The following OGDH variants were observed in gnomAD, a reference collection of about 807,000 sequenced individuals.
OGDH encodes oxoglutarate dehydrogenase.
A neutral mutation model predicts 116.6 loss-of-function variants in OGDH; 38 were observed. That is an observed-to-expected ratio of 0.33 (90% CI 0.25 to 0.43). The LOEUF is 0.43. Among genes scored for constraint, OGDH ranks in the 20% least tolerant of loss-of-function variants. The pLI is 1.00. For missense variants in OGDH, 825 were observed against 1,357.2 expected, an observed-to-expected ratio of 0.61 and a Z score of 6.16; for synonymous variants, 488 against 533.3, an observed-to-expected ratio of 0.92 and a Z score of 1.17.
At chr7:44,671,020 AAAAAAAAAGAAAAG>A (rs1349495471) in intron 5 of OGDH, among the ~76,000 whole-genome samples, 180 of 151,928 alleles carry the variant, frequency 1.2e-3, no homozygotes, top group Non-Finnish European at 2.2e-3. Context: ...CAAAAAAAAA[AAAAAAAAAGAAAAG>A]AAAAAAAAGA....
chr7:44,699,207 C>A (rs941343902), intron 18 of OGDH, among the ~76,000 whole-genome samples: 2 of 151,936 alleles, frequency 1.3e-5, no homozygotes, highest in Non-Finnish European at 2.9e-5. Context: ...GCAGGTGGAT[C>A]ACGAGGCCAG....
At chr7:44,648,372 A>G (rs1394564204) in intron 4 of OGDH, among the ~76,000 whole-genome samples, 1 of 152,194 alleles carries the variant, frequency 6.6e-6, no homozygotes, top group Non-Finnish European at 1.5e-5. Flanking sequence ...GGTTGCCAGA[A>G]GATAGTCCCA....
chr7:44,702,824 C>T (rs1222594755), intron 20 of OGDH, among the ~76,000 whole-genome samples: 4 of 152,126 alleles, frequency 2.6e-5, no homozygotes, highest in African/African-American at 9.7e-5. Flanking sequence ...TGTCAATCTC[C>T]TGACCTCATG....
chr7:44,675,306 C>A, intron 8 of OGDH, 38 bp downstream of exon 8: 1 of 1,518,182 alleles, frequency 6.6e-7, no homozygotes, highest in East Asian at 2.3e-5. Flanking sequence ...AGCATAGCCC[C>A]AACTTACACA....
chr7:44,658,847 A>T (rs996246218), intron 4 of OGDH, among the ~76,000 whole-genome samples: 46 of 151,794 alleles, frequency 3.0e-4, no homozygotes, highest in South Asian at 6.2e-4. Context: ...TATTATTATT[A>T]TTTTTTGAGA....
intron 1 of OGDH, among the ~76,000 whole-genome samples, chr7:44,617,819 A>G (rs1784861850): frequency 6.6e-6 from 1 of 152,150 alleles, no homozygotes; most frequent in Non-Finnish European, 1.5e-5. Context: ...TTTTTCCCTC[A>G]AAGACTTATT....
chr7:44,611,011 A>G (rs1269371347), intron 1 of OGDH, among the ~76,000 whole-genome samples: 1 of 151,672 alleles, frequency 6.6e-6, no homozygotes, highest in African/African-American at 2.4e-5. Flanking sequence ...TTTGGTGTTG[A>G]GTTGAAGAAC....
In OGDH at chr7:44,673,799, CA is replaced by C. The variant is rs774120096; in HGVS notation, c.647del (p.Gln216ArgfsTer65). The stretch of plus-strand genomic sequence containing the variant: ...CTGTATGGAATAGATGGCCTACTGC[CA>C]GCATATTGGGGTGGAGTTCATGTTC... ...IIRRLEMAYC[Q>X]HIGVEFMFIN... On this transcript the variant is annotated frameshift_variant, in exon 6 of 23. Coordinates refer to ENST00000222673, the MANE Select transcript of OGDH (RefSeq NM_002541.4). LOFTEE classifies it high-confidence loss of function. The C allele has an allele frequency of 3.1e-6, 5 of 1,614,236 alleles. No homozygotes were observed. Among genetic ancestry groups the C allele is most frequent in the Non-Finnish European group, 4.2e-6 (5 of 1,180,034 alleles).
In OGDH at chr7:44,701,811, G is replaced by A. The variant is rs528843839; in HGVS notation, c.2632+196G>A. 3.3e-5 allele frequency among the ~76,000 whole-genome samples: 5 copies of A among 152,324 alleles called. No individual in the cohort carries two copies. In the East Asian group the frequency reaches 9.7e-4, roughly 29 times the overall value. On this transcript the variant is annotated intron_variant, in intron 20 of 22. Coordinates refer to ENST00000222673, the MANE Select transcript of OGDH (RefSeq NM_002541.4). ...TAATCCCAGCACTTTGGGAGGCCGA[G>A]GCAGGCAGATCATCTGAGGTCAGGA...
At chr7:44,645,207 G>A in intron 2 of OGDH, 120 bp from the exon 3 acceptor site, 1 of 866,838 alleles carries the variant, frequency 1.2e-6, no homozygotes. Flanking sequence ...CCAGGAGGAA[G>A]CAGGCTCAGC....
intron 9 of OGDH, among the ~76,000 whole-genome samples, chr7:44,679,875 C>T (rs561676010): frequency 2.6e-5 from 4 of 152,258 alleles, no homozygotes; most frequent in South Asian, 4.1e-4. Flanking sequence ...CCTGCCAGCC[C>T]GCCCTGCAGA....
chr7:44,632,606 G>GT (rs1245995406), intron 2 of OGDH, among the ~76,000 whole-genome samples: 9 of 147,580 alleles, frequency 6.1e-5, no homozygotes, highest in African/African-American at 1.5e-4. Flanking sequence ...CCTGGTGGAT[G>GT]TTTTTTGTTG....
In OGDH at chr7:44,696,988, A is replaced by T; in HGVS notation, c.1975A>T (p.Met659Leu). The change falls in exon 15 of 23, where the codon ATG becomes TTG. Residue 659 changes from methionine (M) to leucine (L), a missense_variant. Met to Leu is a conservative substitution (Grantham distance 15). Coordinates refer to ENST00000222673, the MANE Select transcript of OGDH (RefSeq NM_002541.4). ...RTVDWALAEYMAFGSLLKEGI... is the reference protein window; with the variant it reads ...RTVDWALAEYLAFGSLLKEGI... ...TGTGGACTGGGCTCTAGCGGAGTAC[A>T]TGGCGTTTGGCTCGCTCCTGAAGGA... 6.2e-7 allele frequency: 1 copy of T among 1,614,216 alleles called. No individual in the cohort carries two copies. Among genetic ancestry groups the T allele is most frequent in the Non-Finnish European group, 8.5e-7 (1 of 1,180,034 alleles).
At chr7:44,706,797 T>C (rs1310903596) in intron 20 of OGDH, among the ~76,000 whole-genome samples, 1 of 150,794 alleles carries the variant, frequency 6.6e-6, no homozygotes, top group Non-Finnish European at 1.5e-5. Flanking sequence ...ATTTTTTGTA[T>C]TTTTTTAGTA....
chr7:44,707,225 G>A lies in OGDH; in HGVS notation c.2633G>A (p.Gly878Glu). 6.2e-7 allele frequency: 1 copy of A among 1,614,068 alleles called. No individual in the cohort carries two copies. The change falls in exon 21 of 23, where the codon GGA becomes GAA. Residue 878 changes from glycine (G) to glutamate (E), a missense_variant and splice_region_variant. Coordinates refer to ENST00000222673, the MANE Select transcript of OGDH (RefSeq NM_002541.4). This position sits in a 1 kb window ranked among gnomAD's most constrained non-coding sequence, Gnocchi z 5.2. ...ARSSFDEMLP[G>E]THFQRVIPED... is the part of the protein sequence containing the mutation. Reference sequence around the variant, plus strand: ...CCTAGCCATGGGAACTCTCTTGTAGGAACCCACTTCCAGCGGGTGATCCCA... The same window carrying A: ...CCTAGCCATGGGAACTCTCTTGTAGAAACCCACTTCCAGCGGGTGATCCCA...
At chr7:44,675,860 AGAGC>A (rs1258390866) in intron 8 of OGDH, 106 bp from the exon 9 acceptor site, 6 of 1,141,744 alleles carry the variant, frequency 5.3e-6, no homozygotes, top group Non-Finnish European at 7.5e-6. Context: ...CTGGGCAACA[AGAGC>A]GAAACTCCAT....
intron 2 of OGDH, among the ~76,000 whole-genome samples, chr7:44,632,040 GAAAA>G (rs1309856202): frequency 6.6e-6 from 1 of 152,142 alleles, no homozygotes; most frequent in South Asian, 2.1e-4. Context: ...GACGCAGCAA[GAAAA>G]AACCAAAAAT....
At chr7:44,610,666 TG>T (rs1216336065) in intron 1 of OGDH, among the ~76,000 whole-genome samples, 7 of 151,884 alleles carry the variant, frequency 4.6e-5, no homozygotes, top group Non-Finnish European at 1.0e-4. Context: ...CAGGCTGGAG[TG>T]CAGTGGTGCA....
At chr7:44,651,421 C>T (rs1786435022) in intron 4 of OGDH, among the ~76,000 whole-genome samples, 1 of 152,130 alleles carries the variant, frequency 6.6e-6, no homozygotes, top group Non-Finnish European at 1.5e-5. Context: ...CACAGAACTC[C>T]ACAGTAGCGC....
Sources: allele counts gnomAD v4.1 joint callset (sites outside exome capture counted in the v4.1 genomes callset), GRCh38; gene constraint gnomAD v4.1.1; non-coding constraint Gnocchi (gnomAD v3.1); transcripts MANE v1.5; gene names NCBI Gene and HGNC (gene_info 2026-07-23, HGNC 2026-07-21).